TP63: variants seen among roughly 807,000 people sequenced by gnomAD.
TP63 encodes tumor protein p63.
A neutral mutation model predicts 82.8 loss-of-function variants in TP63; 17 were observed. The observed-to-expected ratio is 0.21, with a 90% CI of 0.14 to 0.31. The LOEUF is 0.31. Among genes scored for constraint, TP63 ranks in the 10% least tolerant of loss-of-function variants. The pLI, the probability that TP63 is intolerant of heterozygous loss-of-function variation, is 1.00. For synonymous variants in TP63, 330 were observed against 321.7 expected, an observed-to-expected ratio of 1.03 and a Z score of -0.28; for missense variants, 648 against 895.3, an observed-to-expected ratio of 0.72 and a Z score of 3.52.
the TP63 span, among the ~76,000 whole-genome samples, chr3:189,607,677 T>C: frequency 2.0e-5 from 3 of 151,800 alleles, no homozygotes; most frequent in African/African-American, 7.2e-5. Flanking sequence ...ATAGTGTATG[T>C]CATTATGAAT....
In TP63 at chr3:189,750,815, T is replaced by C. The variant is rs553638221; in HGVS notation, c.324+12041T>C. Among the ~76,000 whole-genome samples, 4 of 152,304 alleles carry C rather than the reference T, an allele frequency of 2.6e-5. 1 individual carries two copies. The South Asian group carries it at 8.3e-4, about 32-fold the overall frequency. ...TTTGGTGTCAAGTGCCTTTTATTTTTATTATTTTTATTTTTTATTATACTT... is the reference window on the plus strand; with the variant it reads ...TTTGGTGTCAAGTGCCTTTTATTTTCATTATTTTTATTTTTTATTATACTT... On this transcript the variant is annotated intron_variant, in intron 3 of 13. Transcript: ENST00000264731.
chr3:189,625,096 G>A, the TP63 span, among the ~76,000 whole-genome samples: 3 of 152,118 alleles, frequency 2.0e-5, no homozygotes, highest in African/African-American at 7.2e-5. Context: ...TTAAAATATT[G>A]CAGATACAGT....
At chr3:189,655,718 G>A (rs1448807479) in intron 1 of TP63, among the ~76,000 whole-genome samples, 2 of 152,198 alleles carry the variant, frequency 1.3e-5, no homozygotes, top group Non-Finnish European at 2.9e-5. Flanking sequence ...AGAACACTTA[G>A]TTGGTAAATG....
chr3:189,732,166 G>A (rs911414650), intron 1 of TP63, among the ~76,000 whole-genome samples: 1 of 152,130 alleles, frequency 6.6e-6, no homozygotes, highest in African/African-American at 2.4e-5. Context: ...ACCGACAATG[G>A]CTGTTTCTTT....
chr3:189,604,577 T>C, the TP63 span, among the ~76,000 whole-genome samples: 1 of 152,158 alleles, frequency 6.6e-6, no homozygotes, highest in Non-Finnish European at 1.5e-5. Context: ...TAGGAAGATA[T>C]AAACAAGGTC....
chr3:189,865,142 A>G (rs995836932), intron 5 of TP63, among the ~76,000 whole-genome samples: 1 of 152,156 alleles, frequency 6.6e-6, no homozygotes, highest in African/African-American at 2.4e-5. Context: ...ACCAGTTGAG[A>G]CCTGGAAGGG....
chr3:189,690,467 C>G (rs1716829545), intron 1 of TP63, among the ~76,000 whole-genome samples: 2 of 152,180 alleles, frequency 1.3e-5, no homozygotes, highest in South Asian at 4.1e-4. Context: ...CTTTCTAGCT[C>G]TAAAATTCTG....
At chr3:189,698,756 A>G (rs928740530) in intron 1 of TP63, among the ~76,000 whole-genome samples, 9 of 152,206 alleles carry the variant, frequency 5.9e-5, no homozygotes, top group African/African-American at 1.7e-4. Flanking sequence ...ATTGTAAATA[A>G]GAGCCTATTG....
intron 3 of TP63, among the ~76,000 whole-genome samples, chr3:189,742,243 CAAAAAAAAA>C (rs140413709): frequency 5.2e-5 from 4 of 77,598 alleles, no homozygotes; most frequent in South Asian, 1.1e-3. Flanking sequence ...AACTCCATCC[CAAAAAAAAA>C]AAAAAAAAAA....
chr3:189,896,970 T>C lies in TP63; in HGVS notation c.*2468T>C. The C allele has an allele frequency of 4.4e-6, 1 of 227,128 alleles. No homozygotes were observed. The highest frequency in any genetic ancestry group is 5.7e-5 in the Admixed American group (1 of 17,582). The allele number at this position is 227,128 out of a possible 1,614,324, so 14.1% of individuals were successfully genotyped here. ...GGAAAGCAGAGTTTTCATTAAATCC[T>C]TTTACCTTTTTTTTTTCTTGGTAAT... is the stretch of plus-strand genomic sequence containing the variant. On this transcript the variant is annotated 3_prime_UTR_variant, in exon 14 of 14. Coordinates refer to ENST00000264731, the MANE Select transcript of TP63 (RefSeq NM_003722.5).
chr3:189,720,001 A>G (rs1267255320), intron 1 of TP63, among the ~76,000 whole-genome samples: 2 of 152,212 alleles, frequency 1.3e-5, no homozygotes, highest in African/African-American at 2.4e-5. Flanking sequence ...AATCTTCAGT[A>G]GCAGTTTTCA....
chr3:189,683,915 C>T (rs1229979575), intron 1 of TP63, among the ~76,000 whole-genome samples: 2 of 152,112 alleles, frequency 1.3e-5, no homozygotes, highest in African/African-American at 4.8e-5. Flanking sequence ...AGACATGTCA[C>T]CTAGGATGAA....
At chr3:189,636,419 A>G (rs1729784234) in intron 1 of TP63, among the ~76,000 whole-genome samples, 2 of 152,156 alleles carry the variant, frequency 1.3e-5, no homozygotes, top group South Asian at 4.1e-4. Flanking sequence ...GTTCACAACT[A>G]GAACTTTGAG....
At chr3:189,833,059 G>A (rs1265781429) in intron 4 of TP63, among the ~76,000 whole-genome samples, 4 of 152,194 alleles carry the variant, frequency 2.6e-5, no homozygotes, top group African/African-American at 4.8e-5. Context: ...AGAGTAAATC[G>A]AATCCAATTT....
At chr3:189,635,263 G>A (rs966189524) in intron 1 of TP63, among the ~76,000 whole-genome samples, 26 of 152,066 alleles carry the variant, frequency 1.7e-4, no homozygotes, top group Middle Eastern at 3.4e-3. Context: ...CTTTACTGGC[G>A]TAAAGGTCAA....
At chr3:189,734,806 C>T (rs955281544) in intron 1 of TP63, among the ~76,000 whole-genome samples, 1 of 152,184 alleles carries the variant, frequency 6.6e-6, no homozygotes, top group Non-Finnish European at 1.5e-5. Context: ...AGACAGTCCT[C>T]TCTACCTATG....
the TP63 span, among the ~76,000 whole-genome samples, chr3:189,625,498 T>G: frequency 7.9e-5 from 12 of 152,182 alleles, no homozygotes; most frequent in Non-Finnish European, 5.9e-5. Context: ...CCAAGATTTT[T>G]CCTTGGTGTA....
intron 3 of TP63, among the ~76,000 whole-genome samples, chr3:189,777,265 C>T (rs551103174): frequency 7.1e-4 from 108 of 152,170 alleles, no homozygotes; most frequent in African/African-American, 2.0e-3. Flanking sequence ...GGCACGATCT[C>T]GGCTCACTCC....
At chr3:189,669,553 A>G (rs1714713590) in intron 1 of TP63, among the ~76,000 whole-genome samples, 1 of 152,036 alleles carries the variant, frequency 6.6e-6, no homozygotes, top group African/African-American at 2.4e-5. Flanking sequence ...TCACACTGTA[A>G]AGTGGGTTTA....
Sources: gnomAD v4.1 joint callset for allele counts (sites outside exome capture counted in the v4.1 genomes callset) on GRCh38, gnomAD v4.1.1 for gene constraint, MANE v1.5 for transcripts, NCBI Gene and HGNC (gene_info 2026-07-23, HGNC 2026-07-21) for gene names.